The following PLPPR1 variants were observed in gnomAD, a reference collection of about 807,000 sequenced individuals.
PLPPR1 encodes the protein phospholipid phosphatase related 1.
A neutral mutation model predicts 33.1 loss-of-function variants in PLPPR1; 10 were observed. That is an observed-to-expected ratio of 0.30 (90% CI 0.19 to 0.51). PLPPR1 has a LOEUF of 0.51. Among genes scored for constraint, PLPPR1 ranks in the 20% least tolerant of loss-of-function variants. The pLI is 0.97. For synonymous variants in PLPPR1, 151 were observed against 151.0 expected (o/e 1.00, Z 0.00); for missense variants, 304 against 408.1 (o/e 0.74, Z 2.20).
intron 2 of PLPPR1, among the ~76,000 whole-genome samples, chr9:101,221,623 A>AG (rs1564180829): frequency 6.6e-6 from 1 of 152,142 alleles, no homozygotes; most frequent in Non-Finnish European, 1.5e-5. Context: ...AACCACCCTG[A>AG]GGTAGGTATT....
intron 1 of PLPPR1, among the ~76,000 whole-genome samples, chr9:101,162,823 A>G (rs1195744196): frequency 1.3e-5 from 2 of 152,076 alleles, no homozygotes; most frequent in Admixed American, 6.6e-5. Flanking sequence ...AATGCAGTTA[A>G]TTAAGGCCTT....
At chr9:101,075,608 T>G (rs1356006901) in intron 1 of PLPPR1, among the ~76,000 whole-genome samples, 4 of 152,204 alleles carry the variant, frequency 2.6e-5, no homozygotes, top group African/African-American at 9.6e-5. Context: ...CAAACTGCTA[T>G]CTGGTTTCCT....
Position 101,157,366 on chromosome 9 carries a change from G to A in PLPPR1, c.-45-28084G>A, listed in dbSNP as rs115251242. ...TGAGATTTGAGCTCAAAATCTATGA[G>A]TTTAGTCTTGGATATATGAACTGTA... On this transcript the variant is annotated intron_variant, in intron 1 of 7. Coordinates refer to ENST00000374874, the MANE Select transcript of PLPPR1 (RefSeq NM_207299.2). Among the ~76,000 whole-genome samples, 969 of 152,274 alleles carry A rather than the reference G, an allele frequency of 6.4e-3. 9 individuals carry two copies. The highest frequency in any genetic ancestry group is 0.022 in the African/African-American group (902 of 41,550).
intron 1 of PLPPR1, among the ~76,000 whole-genome samples, chr9:101,159,186 A>G (rs992261094): frequency 4.6e-5 from 7 of 152,182 alleles, no homozygotes; most frequent in Admixed American, 4.6e-4. Context: ...TTTAGAAATT[A>G]AAGTGGGGAA....
chr9:101,130,320 G>A (rs1353774534), intron 1 of PLPPR1, among the ~76,000 whole-genome samples: 1 of 152,148 alleles, frequency 6.6e-6, no homozygotes, highest in Non-Finnish European at 1.5e-5. Context: ...CAGATTGGGG[G>A]CATTCAGGTC....
chr9:101,059,915 TA>T (rs1333256739), intron 1 of PLPPR1, among the ~76,000 whole-genome samples: 5 of 152,002 alleles, frequency 3.3e-5, no homozygotes, highest in African/African-American at 1.2e-4. Flanking sequence ...AAGGTTGCTT[TA>T]AAAATTATCT....
chr9:101,035,386 C>A (rs1046848104), intron 1 of PLPPR1, among the ~76,000 whole-genome samples: 2 of 152,144 alleles, frequency 1.3e-5, no homozygotes, highest in Non-Finnish European at 2.9e-5. Context: ...TAATCAAAGA[C>A]TTTTTACCCC....
intron 3 of PLPPR1, among the ~76,000 whole-genome samples, chr9:101,283,541 C>A (rs1828338777): frequency 6.6e-6 from 1 of 152,032 alleles, no homozygotes; most frequent in Non-Finnish European, 1.5e-5. Context: ...ATTGTAATAC[C>A]TAAAGCAATG....
rs534455372 is a variant in PLPPR1, at chr9:101,295,212, G to A, written c.385+8976G>A. Among the ~76,000 whole-genome samples, 52 of 151,926 alleles carry A rather than the reference G, an allele frequency of 3.4e-4. No individual in the cohort carries two copies. The South Asian group carries it at 5.8e-3, about 17-fold the overall frequency. On this transcript the variant is annotated intron_variant, in intron 4 of 7. Transcript: ENST00000374874. ...AACTCCCATTCACAATTGCTTCAAA[G>A]AGAATAAAATACCTAGGAATCCAAC... is the stretch of plus-strand genomic sequence containing the variant.
intron 6 of PLPPR1, among the ~76,000 whole-genome samples, chr9:101,315,472 T>C (rs1393678669): frequency 6.6e-6 from 1 of 152,188 alleles, no homozygotes; most frequent in Non-Finnish European, 1.5e-5. Context: ...TGTGGGATGA[T>C]ATTGGGGTTT....
chr9:101,287,521 A>G (rs1351083510), intron 4 of PLPPR1, among the ~76,000 whole-genome samples: 1 of 152,186 alleles, frequency 6.6e-6, no homozygotes, highest in Non-Finnish European at 1.5e-5. Flanking sequence ...TTTATTTTTT[A>G]GACAGAGTCT....
chr9:101,225,360 C>T (rs1383202716), intron 2 of PLPPR1, among the ~76,000 whole-genome samples: 1 of 152,126 alleles, frequency 6.6e-6, no homozygotes, highest in Admixed American at 6.5e-5. Flanking sequence ...ACTGCTCACA[C>T]TGTGGCTTCC....
In PLPPR1 at chr9:101,259,098, T is replaced by C. The variant is rs1827851615; in HGVS notation, c.64-10782T>C. Reference sequence around the variant, plus strand: ...TACTTAGTAATATTATTATATGCTCTACATTTCTCCATATCATCCACCTAT... The same window carrying C: ...TACTTAGTAATATTATTATATGCTCCACATTTCTCCATATCATCCACCTAT... On this transcript the variant is annotated intron_variant, in intron 2 of 7. Coordinates refer to ENST00000374874, the MANE Select transcript of PLPPR1 (RefSeq NM_207299.2). Among the ~76,000 whole-genome samples the C allele has an allele frequency of 2.6e-5, 4 of 152,206 alleles. 1 individual carries two copies. The highest frequency in any genetic ancestry group is 2.6e-4 in the Admixed American group (4 of 15,272).
chr9:101,238,490 G>A (rs952540327), intron 2 of PLPPR1, among the ~76,000 whole-genome samples: 1 of 150,644 alleles, frequency 6.6e-6, no homozygotes, highest in African/African-American at 2.4e-5. Context: ...AACATACTTC[G>A]ATGGAATTGG....
chr9:101,263,855 A>G (rs1252670522), intron 2 of PLPPR1, among the ~76,000 whole-genome samples: 1 of 152,186 alleles, frequency 6.6e-6, no homozygotes, highest in Non-Finnish European at 1.5e-5. Context: ...TTCCTGGGAC[A>G]TGCACAATAT....
At chr9:101,227,609 T>C (rs1431568894) in intron 2 of PLPPR1, among the ~76,000 whole-genome samples, 1 of 152,168 alleles carries the variant, frequency 6.6e-6, no homozygotes, top group African/African-American at 2.4e-5. Flanking sequence ...ACATTTTCCT[T>C]CAAAAGAGTT....
intron 1 of PLPPR1, among the ~76,000 whole-genome samples, chr9:101,113,842 T>C (rs1258470430): frequency 6.6e-6 from 1 of 152,168 alleles, no homozygotes; most frequent in Non-Finnish European, 1.5e-5. Flanking sequence ...GTGGTTCTTT[T>C]GGTTATGTTG....
At chr9:101,310,104 A>T (rs992729304) in intron 5 of PLPPR1, among the ~76,000 whole-genome samples, 2 of 152,162 alleles carry the variant, frequency 1.3e-5, no homozygotes, top group Non-Finnish European at 2.9e-5. Context: ...TTTTTGTTCT[A>T]GTAACAGAAA....
chr9:101,276,313 A>T (rs1828191241), intron 3 of PLPPR1, among the ~76,000 whole-genome samples: 1 of 152,188 alleles, frequency 6.6e-6, no homozygotes. Flanking sequence ...ATTTCTAGAT[A>T]TGCCCATTAA....
Sources: gnomAD v4.1 joint callset for allele counts (sites outside exome capture counted in the v4.1 genomes callset) on GRCh38, gnomAD v4.1.1 for gene constraint, MANE v1.5 for transcripts, NCBI Gene and HGNC (gene_info 2026-07-23, HGNC 2026-07-21) for gene names.